The following ZNF175 variants were observed in gnomAD, a reference collection of about 807,000 sequenced individuals.
ZNF175 encodes the protein zinc finger protein OTK18.
Under a neutral mutation model 14.0 loss-of-function variants are expected in ZNF175, and 8 were observed. The ratio of observed to expected loss-of-function variants is 0.57; its 90% CI spans 0.34 to 1.03. The LOEUF is 1.03. ZNF175 is among the 50% of genes least tolerant of loss of function. The probability of loss-of-function intolerance (pLI) is 0.03; values close to 1 mark genes in which losing one functional copy is unlikely to be tolerated. For missense variants in ZNF175, 764 were observed against 849.5 expected (o/e 0.90, Z 1.25); for synonymous variants, 255 against 296.8 (o/e 0.86, Z 1.45).
intron 2 of ZNF175, chr19:51,573,859 T>C (rs1981681701): frequency 5.0e-6 from 1 of 198,530 alleles, no homozygotes; most frequent in African/African-American, 2.3e-5. Flanking sequence ...CACAGGGAGG[T>C]AGAGTGAGAA....
chr19:51,577,882 C>T (rs978536856), intron 2 of ZNF175, among the ~76,000 whole-genome samples: 11 of 151,406 alleles, frequency 7.3e-5, no homozygotes, highest in South Asian at 2.1e-4. Context: ...CCAGGATGGT[C>T]TCAATCTCCT....
intron 2 of ZNF175, 144 bp downstream of exon 2, chr19:51,573,545 G>A: frequency 1.4e-6 from 1 of 707,342 alleles, no homozygotes; most frequent in Non-Finnish European, 2.4e-6. Context: ...CACATTCATA[G>A]GCTATCTGTG....
chr19:51,573,434 A>G, intron 2 of ZNF175, 33 bp downstream of exon 2: 6 of 1,608,704 alleles, frequency 3.7e-6, no homozygotes, highest in Non-Finnish European at 5.1e-6. Context: ...ATAGTTCTCC[A>G]GAACGTGAGG....
chr19:51,588,130 C>A lies in ZNF175; in HGVS notation c.1799C>A (p.Ser600Ter). The change falls in exon 5 of 5, where the codon TCA (serine) becomes TAA (stop). Residue 600 changes from serine to a stop codon, truncating the protein, a stop_gained. Transcript: ENST00000262259. LOFTEE classifies it low-confidence loss of function (END_TRUNC). ...TGTGGGAAGGCCTTCAACGGCAGGTCAAATTTCCATAAACATCAAATAACT... is the reference window on the plus strand; with the variant it reads ...TGTGGGAAGGCCTTCAACGGCAGGTAAAATTTCCATAAACATCAAATAACT... ...TECGKAFNGR[S>*]NFHKHQITHT... is the part of the protein sequence containing the mutation. The A allele has an allele frequency of 6.2e-7, 1 of 1,614,118 alleles. No homozygotes were observed. The highest frequency in any genetic ancestry group is 1.1e-5 in the South Asian group (1 of 91,078).
chr19:51,573,273 C>T lies in ZNF175; in HGVS notation c.-57C>T, dbSNP rs1981653223. ...CCAAACACCTATCCAGCTTCTGGCT[C>T]CTGGGAAAAGTGGAGTTGTCAGCAA... On this transcript the variant is annotated 5_prime_UTR_variant, in exon 2 of 5. Transcript: ENST00000262259. The T allele has an allele frequency of 1.9e-6, 3 of 1,584,828 alleles. No individual in the cohort carries two copies. Among genetic ancestry groups the T allele is most frequent in the African/African-American group, 1.4e-5 (1 of 74,034 alleles).
At chr19:51,582,504 A>G (rs1374275689) in intron 4 of ZNF175, among the ~76,000 whole-genome samples, 1 of 152,150 alleles carries the variant, frequency 6.6e-6, no homozygotes. Context: ...TCACCCTGTT[A>G]GCCAGGATGG....
rs1982347390 is a variant in ZNF175, at chr19:51,591,705, A to G, written c.*3238A>G. 6.6e-6 allele frequency: 1 copy of G among 152,148 alleles called. No individual in the cohort carries two copies. The highest frequency in any genetic ancestry group is 1.5e-5 in the Non-Finnish European group (1 of 68,008). 9.4% of individuals were successfully genotyped at this position (152,148 alleles called of 1,614,324 possible). ...AACAAGAAAAGCCTGGATTTGAACCAAGCTATCTGATGCCAGTGTTTTAAC... is the reference window on the plus strand; with the variant it reads ...AACAAGAAAAGCCTGGATTTGAACCGAGCTATCTGATGCCAGTGTTTTAAC... On this transcript the variant is annotated 3_prime_UTR_variant, in exon 5 of 5. Coordinates refer to ENST00000262259, the MANE Select transcript of ZNF175 (RefSeq NM_007147.4).
rs1456247358 is a variant in ZNF175 at position 51,591,640 on chromosome 19, C to G, written c.*3173C>G. The G allele has an allele frequency of 6.6e-6, 1 of 152,132 alleles. No individual in the cohort carries two copies. The highest frequency in any genetic ancestry group is 2.4e-5 in the African/African-American group (1 of 41,408). 9.4% of individuals were successfully genotyped at this position (152,132 alleles called of 1,614,324 possible). A position where few individuals can be genotyped will look rare whatever the true frequency, so the allele number is the denominator to read the frequency against. On this transcript the variant is annotated 3_prime_UTR_variant, in exon 5 of 5. Transcript: ENST00000262259. ...CCCATTTTAGAGATGAGGAAACAGG[C>G]TTAGAGAATTTGACGTAAACTCAAG...
chr19:51,573,478 G>A, intron 2 of ZNF175, 77 bp downstream of exon 2: 1 of 1,432,590 alleles, frequency 7.0e-7, no homozygotes, highest in Non-Finnish European at 9.7e-7. Context: ...TGGGCTCCCT[G>A]CTCCTGAGTC....
chr19:51,581,280 C>G (rs1168230790), intron 2 of ZNF175, 111 bp from the exon 3 acceptor site: 8 of 1,495,904 alleles, frequency 5.3e-6, no homozygotes, highest in Non-Finnish European at 7.3e-6. Flanking sequence ...GGTGGGAAGC[C>G]TCTGTGATGG....
At chr19:51,581,241 A>T (rs1010567401) in intron 2 of ZNF175, 150 bp from the exon 3 acceptor site, 22 of 1,003,926 alleles carry the variant, frequency 2.2e-5, no homozygotes, top group African/African-American at 3.3e-5. Flanking sequence ...ATTTTTTTTT[A>T]AATCCCTAAA....
rs887817081 is a variant in ZNF175 at position 51,591,916 on chromosome 19, C to T, written c.*3449C>T. The T allele has an allele frequency of 2.0e-5, 3 of 151,702 alleles. No homozygotes were observed. The highest frequency in any genetic ancestry group is 4.4e-5 in the Non-Finnish European group (3 of 67,874). 9.4% of individuals were successfully genotyped at this position (151,702 alleles called of 1,614,324 possible). ...CCCGAGTAGCTGGGACTACAGGCGC[C>T]CACCACCATGCCTGGCTAATTTTTT... On this transcript the variant is annotated 3_prime_UTR_variant, in exon 5 of 5. Coordinates refer to ENST00000262259, the MANE Select transcript of ZNF175 (RefSeq NM_007147.4).
chr19:51,571,949 T>C (rs923495081), intron 1 of ZNF175, among the ~76,000 whole-genome samples: 2 of 152,070 alleles, frequency 1.3e-5, no homozygotes, highest in African/African-American at 4.8e-5. Flanking sequence ...AGGGGGTCAA[T>C]GATGGGGATT....
rs74878363 is a variant in ZNF175 at position 51,574,597 on chromosome 19, C to A, written c.72+1196C>A. On this transcript the variant is annotated intron_variant, in intron 2 of 4. Coordinates refer to ENST00000262259, the MANE Select transcript of ZNF175 (RefSeq NM_007147.4). Reference sequence around the variant, plus strand: ...GTGGGAGGATCACCTGAGCTTGAGGCGGTCAAGGTTGCAGTGAGCTGCAAT... The same window carrying A: ...GTGGGAGGATCACCTGAGCTTGAGGAGGTCAAGGTTGCAGTGAGCTGCAAT... 2.6e-3 allele frequency among the ~76,000 whole-genome samples: 398 copies of A among 152,230 alleles called. 16 individuals carry two copies. The East Asian group carries it at 0.046, about 17-fold the overall frequency.
At chr19:51,580,138 G>T (rs1981950050) in intron 2 of ZNF175, among the ~76,000 whole-genome samples, 1 of 152,006 alleles carries the variant, frequency 6.6e-6, no homozygotes, top group African/African-American at 2.4e-5. Context: ...TATATGTGTG[G>T]CTCACATTCA....
rs144769646 is a variant in ZNF175, at chr19:51,581,726, T to C, written c.200-61T>C. On this transcript the variant is annotated intron_variant, in intron 3 of 4. Coordinates refer to ENST00000262259, the MANE Select transcript of ZNF175 (RefSeq NM_007147.4). ...TCTAATGAGCCAGTGTAAAGCTTCA[T>C]TGAATGGCCTCTAAAACTGAAGAAG... is the stretch of plus-strand genomic sequence containing the variant. 421 of 1,586,866 alleles carry C rather than the reference T, an allele frequency of 2.7e-4. 1 individual carries two copies. The highest frequency in any genetic ancestry group is 4.3e-4 in the Middle Eastern group (2 of 4,658).
chr19:51,578,234 TA>T (rs1233304529), intron 2 of ZNF175, among the ~76,000 whole-genome samples: 19 of 149,906 alleles, frequency 1.3e-4, no homozygotes, highest in African/African-American at 3.7e-4. Flanking sequence ...CCATCTCTAC[TA>T]AAAAAATACA....
chr19:51,585,105 AT>A (rs1346519698), intron 4 of ZNF175, among the ~76,000 whole-genome samples: 1 of 152,218 alleles, frequency 6.6e-6, no homozygotes, highest in Non-Finnish European at 1.5e-5. Context: ...GGTAAACAAA[AT>A]GTGGTCTATA....
intron 2 of ZNF175, among the ~76,000 whole-genome samples, chr19:51,580,439 C>G (rs893745850): frequency 2.2e-4 from 33 of 152,178 alleles, no homozygotes; most frequent in Non-Finnish European, 7.3e-5. Flanking sequence ...TGATCAGTAA[C>G]AGTGACATTT....
Sources: gnomAD v4.1 joint callset for allele counts (sites outside exome capture counted in the v4.1 genomes callset) on GRCh38, gnomAD v4.1.1 for gene constraint, MANE v1.5 for transcripts, NCBI Gene and HGNC (gene_info 2026-07-23, HGNC 2026-07-21) for gene names.